Variants in CACTIN observed in about 807,000 individuals in gnomAD.
CACTIN encodes splicing factor Cactin.
In CACTIN, 20 loss-of-function variants were observed where a neutral mutation model predicts 84.9. The observed-to-expected ratio is 0.24, with a 90% CI of 0.17 to 0.34. The LOEUF (loss-of-function observed/expected upper bound fraction) is 0.34, where lower values mean the gene tolerates loss of function less well. Ranked by LOEUF, CACTIN falls within the 10% of genes least tolerant of loss-of-function variation. The pLI, the probability that CACTIN is intolerant of heterozygous loss-of-function variation, is 1.00. For synonymous variants in CACTIN, 549 were observed against 467.9 expected, an observed-to-expected ratio of 1.17 and a Z score of -2.24; for missense variants, 897 against 1,117.2, an observed-to-expected ratio of 0.80 and a Z score of 2.81.
chr19:3,623,277 C>A (rs1301159320), intron 2 of CACTIN, among the ~76,000 whole-genome samples: 2 of 148,378 alleles, frequency 1.3e-5, no homozygotes, highest in African/African-American at 5.0e-5. Flanking sequence ...CGCCTGTAAT[C>A]CCAGCACTTT....
rs370534868 is a variant in CACTIN at position 3,618,894 on chromosome 19, C to A, written c.1143G>T (p.Glu381Asp). The change falls in exon 6 of 10, where the codon GAG becomes GAT. Residue 381 changes from glutamate (E) to aspartate (D), a missense_variant. Glu to Asp is a conservative substitution (Grantham distance 45). Around this residue, in one of 8 missense-constraint regions of CACTIN, gnomAD observed 304 missense variants for 444.3 expected, o/e 0.68. Transcript: ENST00000429344. The part of the protein sequence containing the change: ...EDEISKLRKL[E>D]ASGKGPGERR... ...CGTTACCTGGCCCCTTGCCCGAGGC[C>A]TCCAGCTTGCGGAGCTTGGAGATCT... The A allele has an allele frequency of 7.1e-6, 11 of 1,554,014 alleles. No individual in the cohort carries two copies. The highest frequency in any genetic ancestry group is 8.7e-6 in the Non-Finnish European group (10 of 1,148,544).
chr19:3,617,148 G>A (rs2033121601), intron 6 of CACTIN, among the ~76,000 whole-genome samples: 3 of 150,756 alleles, frequency 2.0e-5, no homozygotes, highest in African/African-American at 7.3e-5. Context: ...GTGTGATGGT[G>A]AGCGCCTGTA....
rs1272833903 is a variant in CACTIN at position 3,624,073 on chromosome 19, G to A, written c.257C>T (p.Ser86Phe). The change falls in exon 2 of 10, where the codon TCT (serine) becomes TTT (phenylalanine). Residue 86 changes from serine to phenylalanine, a missense_variant. By Grantham distance (155) the Ser-to-Phe change is radical. This residue lies in a region of CACTIN where 261 missense variants were observed against 243.8 expected (regional missense o/e 1.07). Transcript: ENST00000429344. ...CTGCTCCTCTCCTGAGTCCGACTGA[G>A]AGGACCCATCTCTTGAGTGCCACTT... ...RPKWHSRDGS[S>F]QSDSGEEQSR... 19 of 1,602,546 alleles carry A rather than the reference G, an allele frequency of 1.2e-5. No individual in the cohort carries two copies. The highest frequency in any genetic ancestry group is 5.3e-5 in the African/African-American group (4 of 74,938).
At chr19:3,623,442 T>C (rs2033266614) in intron 2 of CACTIN, among the ~76,000 whole-genome samples, 1 of 150,258 alleles carries the variant, frequency 6.7e-6, no homozygotes, top group Admixed American at 6.6e-5. Context: ...GGCAGGAGAA[T>C]GGCATGAACC....
At position 3,614,515 on chromosome 19, in the gene CACTIN, G is replaced by T; in HGVS notation, c.1237C>A (p.Gln413Lys). 1.2e-6 allele frequency: 2 copies of T among 1,608,182 alleles called. No individual in the cohort carries two copies. The highest frequency in any genetic ancestry group is 8.5e-7 in the Non-Finnish European group (1 of 1,177,424). ...QSVFKGKTYN[Q>K]LQVIFQGIEG... ...ATGCCCTGGAAGATGACCTGCAGCTGGTTGTATGTCTTCCCCTTGAACACC... is the reference window on the plus strand; with the variant it reads ...ATGCCCTGGAAGATGACCTGCAGCTTGTTGTATGTCTTCCCCTTGAACACC... The change falls in exon 7 of 10, where the codon CAG (glutamine) becomes AAG (lysine). Residue 413 changes from glutamine to lysine, a missense_variant. Transcript: ENST00000429344.
At chr19:3,614,892 T>A (rs2033070919) in intron 6 of CACTIN, 3 of 464,892 alleles carry the variant, frequency 6.5e-6, no homozygotes, top group Middle Eastern at 6.1e-4. Flanking sequence ...CCTCCCCAGG[T>A]GAGTCTGATA....
In CACTIN at chr19:3,626,583, G is replaced by A. The variant is rs1439149138; in HGVS notation, c.167+13C>T. The A allele has an allele frequency of 2.8e-6, 4 of 1,432,332 alleles. No individual in the cohort carries two copies. The highest frequency in any genetic ancestry group is 1.4e-5 in the South Asian group (1 of 69,592). The allele number at this position is 1,432,332 out of a possible 1,614,324, so 88.7% of individuals were successfully genotyped here. A position where few individuals can be genotyped will look rare whatever the true frequency, so the allele number is the denominator to read the frequency against. On this transcript the variant is annotated intron_variant, in intron 1 of 9. Transcript: ENST00000429344. ...GAGCCGGATCCCCAGCGCTGCTCCC[G>A]CAGCGACCCCACCTGCGCTCCCGGC...
chr19:3,614,600 G>GTGGGGGCA lies in CACTIN; in HGVS notation c.1163-19_1163-12dup. On this transcript the variant is annotated splice_polypyrimidine_tract_variant and intron_variant, in intron 6 of 9. Coordinates refer to ENST00000429344, the MANE Select transcript of CACTIN (RefSeq NM_001080543.2). Reference sequence around the variant, plus strand: ...CCTCGCGGCGCTCACCTGCAGCGGGGTGGGGGCATGGGGGGGCGGTTCCAC... The same window carrying GTGGGGGCA: ...CCTCGCGGCGCTCACCTGCAGCGGGGTGGGGGCATGGGGGCATGGGGGGGCGGTTCCAC... 1 of 1,589,742 alleles carries GTGGGGGCA rather than the reference G, an allele frequency of 6.3e-7. No homozygotes were observed. The highest frequency in any genetic ancestry group is 8.6e-7 in the Non-Finnish European group (1 of 1,168,794).
At chr19:3,614,672 T>C (rs1430924096) in intron 6 of CACTIN, 83 bp from the exon 7 acceptor site, 1 of 1,134,962 alleles carries the variant, frequency 8.8e-7, no homozygotes, top group Non-Finnish European at 1.3e-6. Context: ...TCCCCTGCCA[T>C]GGGGGGGTCC....
rs759179354 is a variant in CACTIN at position 3,619,028 on chromosome 19, T to C, written c.1048-39A>G. The C allele has an allele frequency of 6.5e-6, 10 of 1,546,464 alleles. No individual in the cohort carries two copies. In the African/African-American group the frequency reaches 1.4e-4, roughly 21 times the overall value. ...GCAGGGGTCAGGACACGGGTGTGGC[T>C]GGGGTGGGGGTGAGGGTGCAGGTCA... On this transcript the variant is annotated intron_variant, in intron 5 of 9. Transcript: ENST00000429344.
At position 3,626,601 on chromosome 19, in the gene CACTIN, C is replaced by T. The variant is rs774593230; in HGVS notation, c.162G>A (p.Glu54=). 21 of 1,472,688 alleles carry T rather than the reference C, an allele frequency of 1.4e-5. No homozygotes were observed. In the South Asian group the frequency reaches 2.8e-4, roughly 19 times the overall value. 91.2% of individuals were successfully genotyped at this position (1,472,688 alleles called of 1,614,324 possible). A position where few individuals can be genotyped will look rare whatever the true frequency, so the allele number is the denominator to read the frequency against. ...TGCTCCCGCAGCGACCCCACCTGCG[C>T]TCCCGGCTCCGCCGCCTCCGTCTGC... ...GRRRRRRRSR[E]RRSDSEEERW... Residue 54 remains glutamate, a synonymous_variant, in exon 1 of 10, where the codon GAG becomes GAA. Transcript: ENST00000429344.
At position 3,612,240 on chromosome 19, in the gene CACTIN, C is replaced by T. The variant is rs2032976383; in HGVS notation, c.1960G>A (p.Glu654Lys). Residue 654 changes from glutamate to lysine, a missense_variant, in exon 10 of 10, where the codon GAG (glutamate) becomes AAG (lysine). Coordinates refer to ENST00000429344, the MANE Select transcript of CACTIN (RefSeq NM_001080543.2). ...TGCGTCTGGTTGTACTTGTTCCACTCGAAGCCCGTGTGCACGCGGTTGAAG... is the reference window on the plus strand; with the variant it reads ...TGCGTCTGGTTGTACTTGTTCCACTTGAAGCCCGTGTGCACGCGGTTGAAG... ...RFFNRVHTGF[E>K]WNKYNQTHYD... The T allele has an allele frequency of 6.2e-7, 1 of 1,613,160 alleles. No homozygotes were observed. The highest frequency in any genetic ancestry group is 8.5e-7 in the Non-Finnish European group (1 of 1,179,914).
intron 4 of CACTIN, among the ~76,000 whole-genome samples, chr19:3,619,879 C>T (rs1486369742): frequency 6.6e-6 from 1 of 152,126 alleles, no homozygotes; most frequent in African/African-American, 2.4e-5. Flanking sequence ...CAACTGCAGT[C>T]AGTGCAGGAC....
rs201335748 is a variant in CACTIN at position 3,623,942 on chromosome 19, C to A, written c.388G>T (p.Ala130Ser). ...TGCTGCTGGCTCAGGGCAGCCGCGGCCGCCCGGGGGCTCTGGGATCGCCCT... is the reference window on the plus strand; with the variant it reads ...TGCTGCTGGCTCAGGGCAGCCGCGGACGCCCGGGGGCTCTGGGATCGCCCT... ...SPGRSQSPRA[A>S]AAALSQQQSL... is the part of the protein sequence containing the mutation. Residue 130 changes from alanine (A) to serine (S), a missense_variant, in exon 2 of 10, where the codon GCC becomes TCC. This residue lies in a region of CACTIN where 261 missense variants were observed against 243.8 expected (regional missense o/e 1.07). Transcript: ENST00000429344. The A allele has an allele frequency of 1.8e-4, 296 of 1,603,040 alleles. No homozygotes were observed. The highest frequency in any genetic ancestry group is 2.5e-4 in the Non-Finnish European group (289 of 1,178,474).
chr19:3,623,318 A>G (rs1185461756), intron 2 of CACTIN, among the ~76,000 whole-genome samples: 1 of 152,022 alleles, frequency 6.6e-6, no homozygotes, highest in Admixed American at 6.6e-5. Flanking sequence ...TCACAAGGTC[A>G]GGAGATCGAG....
At chr19:3,616,796 T>A (rs2033114919) in intron 6 of CACTIN, 1 of 152,214 alleles carries the variant, frequency 6.6e-6, no homozygotes, top group Admixed American at 6.6e-5. Context: ...AAGACTAGCC[T>A]GGGCAACACA....
In CACTIN at chr19:3,613,060, G is replaced by A. The variant is rs763208736; in HGVS notation, c.1784C>T (p.Thr595Met). The change falls in exon 9 of 10, where the codon ACG becomes ATG. Residue 595 changes from threonine (T) to methionine (M), a missense_variant and splice_region_variant. Physicochemically the swap from Thr to Met is moderately conservative, Grantham distance 81. Transcript: ENST00000429344. Reference sequence around the variant, plus strand: ...CTGGCCTCCAGCCCCGCCCTTACCCGTGACCTGGAGCTGCTGGCGCGAGAG... The same window carrying A: ...CTGGCCTCCAGCCCCGCCCTTACCCATGACCTGGAGCTGCTGGCGCGAGAG... ...LQLSRQQLQV[T>M]GDASESAEDI... 1.7e-6 allele frequency: 2 copies of A among 1,192,858 alleles called. No individual in the cohort carries two copies. Among genetic ancestry groups the A allele is most frequent in the Middle Eastern group, 2.8e-4 (1 of 3,590 alleles). The allele number at this position is 1,192,858 out of a possible 1,614,324, so 73.9% of individuals were successfully genotyped here. A position where few individuals can be genotyped will look rare whatever the true frequency, so the allele number is the denominator to read the frequency against.
At chr19:3,624,678 A>G (rs1303320382) in intron 1 of CACTIN, among the ~76,000 whole-genome samples, 2 of 152,108 alleles carry the variant, frequency 1.3e-5, no homozygotes, top group African/African-American at 4.8e-5. Context: ...CGCAGGAATT[A>G]TAAGGGTACG....
At position 3,626,755 on chromosome 19, in the gene CACTIN, C is replaced by G. The variant is rs868054668; in HGVS notation, c.8G>C (p.Arg3Pro). 16 of 1,445,100 alleles carry G rather than the reference C, an allele frequency of 1.1e-5. No individual in the cohort carries two copies. The highest frequency in any genetic ancestry group is 1.5e-5 in the Non-Finnish European group (16 of 1,102,746). 89.5% of individuals were successfully genotyped at this position (1,445,100 alleles called of 1,614,324 possible). A position where few individuals can be genotyped will look rare whatever the true frequency, so the allele number is the denominator to read the frequency against. The change falls in exon 1 of 10, where the codon CGG (arginine) becomes CCG (proline). Residue 3 changes from arginine to proline, a missense_variant. Arg to Pro is a moderately radical substitution (Grantham distance 103). This residue lies in a region of CACTIN where 261 missense variants were observed against 243.8 expected (regional missense o/e 1.07). Coordinates refer to ENST00000429344, the MANE Select transcript of CACTIN (RefSeq NM_001080543.2). ...GGACCGCGAGCGCGAGCGTGTGTCCCGACCCATCGGCTGGGCCAGTGGCCG... is the reference window on the plus strand; with the variant it reads ...GGACCGCGAGCGCGAGCGTGTGTCCGGACCCATCGGCTGGGCCAGTGGCCG... MG[R>P]DTRSRSRSAG...
Sources: allele counts gnomAD v4.1 joint callset (sites outside exome capture counted in the v4.1 genomes callset), GRCh38; gene constraint gnomAD v4.1.1; regional missense constraint gnomAD v4.1.1; transcripts MANE v1.5; gene names NCBI Gene and HGNC (gene_info 2026-07-23, HGNC 2026-07-21).